The following RETNLB variants were observed in gnomAD, a reference collection of about 807,000 sequenced individuals.
RETNLB encodes the protein resistin-like beta.
In RETNLB, 11 loss-of-function variants were observed where a neutral mutation model predicts 6.8. The ratio of observed to expected loss-of-function variants is 1.62; its 90% CI spans 1.02 to 2.68. RETNLB has a LOEUF of 2.68. RETNLB is among the 30% of genes most tolerant of loss of function. The pLI, the probability that RETNLB is intolerant of heterozygous loss-of-function variation, is 0.00. For missense variants in RETNLB, 146 were observed against 135.7 expected, an observed-to-expected ratio of 1.08 and a Z score of -0.38; for synonymous variants, 57 against 54.2, an observed-to-expected ratio of 1.05 and a Z score of -0.23.
intron 2 of RETNLB, among the ~76,000 whole-genome samples, chr3:108,756,241 A>C (rs188669912): frequency 1.1e-3 from 168 of 152,276 alleles, no homozygotes; most frequent in African/African-American, 3.7e-3. Flanking sequence ...TGTGATCATT[A>C]TGGGACAATG....
chr3:108,756,028 G>A lies in RETNLB; in HGVS notation c.209-123C>T, dbSNP rs1301742395. 3.8e-6 allele frequency: 4 copies of A among 1,051,700 alleles called. No individual in the cohort carries two copies. In the East Asian group the frequency reaches 1.0e-4, roughly 26 times the overall value. The allele number at this position is 1,051,700 out of a possible 1,614,324, so 65.1% of individuals were successfully genotyped here. A position where few individuals can be genotyped will look rare whatever the true frequency, so the allele number is the denominator to read the frequency against. ...AGAGCTAGGTTTCGTGGGGCCTCAAGCTCATTCAATTTTGCGAGCTCATTT... is the reference window on the plus strand; with the variant it reads ...AGAGCTAGGTTTCGTGGGGCCTCAAACTCATTCAATTTTGCGAGCTCATTT... On this transcript the variant is annotated intron_variant, in intron 2 of 2. Transcript: ENST00000295755.
chr3:108,756,333 A>G (rs947053050), intron 2 of RETNLB, among the ~76,000 whole-genome samples, 175 bp downstream of exon 2: 12 of 152,186 alleles, frequency 7.9e-5, no homozygotes, highest in Admixed American at 4.6e-4. Context: ...CCCCAGTAGC[A>G]TCCTTCAGGG....
In RETNLB at chr3:108,757,301, A is replaced by C; in HGVS notation, c.-116T>G. On this transcript the variant is annotated 5_prime_UTR_variant, in exon 1 of 3. Coordinates refer to ENST00000295755, the MANE Select transcript of RETNLB (RefSeq NM_032579.3). ...CAACGTGGTTAGTTTCCAGGGAGTAAAGATGGAAGAACAGCGTCATCAGTA... is the reference window on the plus strand; with the variant it reads ...CAACGTGGTTAGTTTCCAGGGAGTACAGATGGAAGAACAGCGTCATCAGTA... The C allele has an allele frequency of 8.1e-7, 1 of 1,228,242 alleles. No homozygotes were observed. Among genetic ancestry groups the C allele is most frequent in the African/African-American group, 1.5e-5 (1 of 66,696 alleles). 76.1% of individuals were successfully genotyped at this position (1,228,242 alleles called of 1,614,324 possible).
chr3:108,755,677 A>G lies in RETNLB; in HGVS notation c.*101T>C, dbSNP rs9878093. On this transcript the variant is annotated 3_prime_UTR_variant, in exon 3 of 3. Transcript: ENST00000295755. ...TGTCTTTATTACCCAAGAATCAGGA[A>G]TGGAACAAATGAAGTGGGACGTTTG... The G allele has an allele frequency of 4.5e-6, 6 of 1,326,502 alleles. No homozygotes were observed. Among genetic ancestry groups the G allele is most frequent in the Non-Finnish European group, 6.4e-6 (6 of 936,658 alleles). The allele number at this position is 1,326,502 out of a possible 1,614,324, so 82.2% of individuals were successfully genotyped here.
intron 2 of RETNLB, 42 bp from the exon 3 acceptor site, chr3:108,755,947 T>G (rs1437205054): frequency 6.2e-7 from 1 of 1,613,222 alleles, no homozygotes; most frequent in South Asian, 1.1e-5. Context: ...GCTCTTGGAA[T>G]TTAAGAGGAG....
rs1473394791 is a variant in RETNLB at position 108,756,578 on chromosome 3, G to A, written c.138C>T (p.Pro46=). 1 of 1,610,664 alleles carries A rather than the reference G, an allele frequency of 6.2e-7. No homozygotes were observed. The highest frequency in any genetic ancestry group is 1.1e-5 in the South Asian group (1 of 91,004). ...ACGAGAGCTTCTTGCTTATAGGAGA[G>A]GGACTGTACTCTGAGTAGGAAAGAA... is the stretch of plus-strand genomic sequence containing the variant. The part of the protein sequence containing the change: ...KDVLNSLEYS[P]SPISKKLSCA... The change falls in exon 2 of 3, where the codon CCC becomes CCT. Residue 46 remains proline, a synonymous_variant. Transcript: ENST00000295755.
rs1332449810 is a variant in RETNLB at position 108,757,128 on chromosome 3, G to A, written c.58C>T (p.Pro20Ser). The change falls in exon 1 of 3, where the codon CCG becomes TCG. Residue 20 changes from proline to serine, a missense_variant. By Grantham distance (74) the Pro-to-Ser change is moderately conservative. Transcript: ENST00000295755. Reference protein sequence around the residue: ...ILIPLLQLINPGSTQCSLDSV... With the variant: ...ILIPLLQLINSGSTQCSLDSV... ...TCTAAGGAACACTGAGTACTCCCCG[G>A]GTTGATCAGCTGGAGAAGGGGGATT... The A allele has an allele frequency of 1.9e-6, 3 of 1,612,828 alleles. No individual in the cohort carries two copies. In the African/African-American group the frequency reaches 4.0e-5, roughly 22 times the overall value.
intron 2 of RETNLB, 39 bp downstream of exon 2, chr3:108,756,469 G>A (rs1288714840): frequency 4.5e-6 from 6 of 1,321,510 alleles, no homozygotes; most frequent in African/African-American, 1.4e-5. Context: ...GAGGATACAG[G>A]GCATCGTAGT....
In RETNLB at chr3:108,757,175, G is replaced by A. The variant is rs551491488; in HGVS notation, c.11C>T (p.Ser4Phe). Residue 4 changes from serine (S) to phenylalanine (F), a missense_variant, in exon 1 of 3, where the codon TCC becomes TTC. Transcript: ENST00000295755. MGP[S>F]SCLLLILIPL... Reference sequence around the variant, plus strand: ...GATTAGGATGAGAAGGAGGCAAGAGGACGGCCCCATCCTGTACAGAGTCAG... The same window carrying A: ...GATTAGGATGAGAAGGAGGCAAGAGAACGGCCCCATCCTGTACAGAGTCAG... 5.0e-5 allele frequency: 81 copies of A among 1,613,664 alleles called. 1 individual carries two copies. The Middle Eastern group carries it at 6.7e-4, about 13-fold the overall frequency.
chr3:108,757,266 G>A lies in RETNLB; in HGVS notation c.-81C>T. 1 of 1,498,760 alleles carries A rather than the reference G, an allele frequency of 6.7e-7. No homozygotes were observed. Among genetic ancestry groups the A allele is most frequent in the Non-Finnish European group, 9.0e-7 (1 of 1,114,150 alleles). The allele number at this position is 1,498,760 out of a possible 1,614,324, so 92.8% of individuals were successfully genotyped here. On this transcript the variant is annotated 5_prime_UTR_variant, in exon 1 of 3. Coordinates refer to ENST00000295755, the MANE Select transcript of RETNLB (RefSeq NM_032579.3). The stretch of plus-strand genomic sequence containing the variant: ...CTCTGAGCTCCTGGGTGGTGGTGAA[G>A]GAAAGAAGACAACGTGGTTAGTTTC...
rs1457122976 is a variant in RETNLB at position 108,756,570 on chromosome 3, AT to A, written c.145del (p.Ile49Ter). Reference sequence around the variant, plus strand: ...ACTAGCACACGAGAGCTTCTTGCTTATAGGAGAGGGACTGTACTCTGAGTAG... The same window carrying A: ...ACTAGCACACGAGAGCTTCTTGCTTAAGGAGAGGGACTGTACTCTGAGTAG... Reference protein sequence around the residue: ...LNSLEYSPSPISKKLSCASVK... With the variant: ...LNSLEYSPSPXSKKLSCASVK... On this transcript the variant is annotated frameshift_variant, in exon 2 of 3. Coordinates refer to ENST00000295755, the MANE Select transcript of RETNLB (RefSeq NM_032579.3). LOFTEE classifies it high-confidence loss of function. 1.2e-6 allele frequency: 2 copies of A among 1,612,302 alleles called. No individual in the cohort carries two copies. Among genetic ancestry groups the A allele is most frequent in the Non-Finnish European group, 1.7e-6 (2 of 1,178,474 alleles).
upstream of RETNLB, chr3:108,757,410 CAA>C: frequency 2.5e-6 from 1 of 399,852 alleles, no homozygotes; most frequent in Non-Finnish European, 4.5e-6. Flanking sequence ...AGAAGGTCTA[CAA>C]GGACTAGCCA....
At chr3:108,756,319 G>T (rs1291629395) in intron 2 of RETNLB, among the ~76,000 whole-genome samples, 189 bp downstream of exon 2, 1 of 152,146 alleles carries the variant, frequency 6.6e-6, no homozygotes, top group Non-Finnish European at 1.5e-5. Flanking sequence ...AGAAGCCCAA[G>T]ATCCCCCAGT....
chr3:108,756,546 C>A lies in RETNLB; in HGVS notation c.170G>T (p.Ser57Ile). The A allele has an allele frequency of 6.2e-7, 1 of 1,613,738 alleles. No individual in the cohort carries two copies. The highest frequency in any genetic ancestry group is 8.5e-7 in the Non-Finnish European group (1 of 1,179,632). Residue 57 changes from serine (S) to isoleucine (I), a missense_variant, in exon 2 of 3, where the codon AGT becomes ATT. By Grantham distance (142) the Ser-to-Ile change is moderately radical (BLOSUM62 -2). Coordinates refer to ENST00000295755, the MANE Select transcript of RETNLB (RefSeq NM_032579.3). ...SPISKKLSCA[S>I]VKSQGRPSSC... Reference sequence around the variant, plus strand: ...GGACGGTCTGCCTTGGCTTTTGACACTAGCACACGAGAGCTTCTTGCTTAT... The same window carrying A: ...GGACGGTCTGCCTTGGCTTTTGACAATAGCACACGAGAGCTTCTTGCTTAT...
Position 108,757,099 on chromosome 3 carries a change from G to A in RETNLB, c.87C>T (p.Ser29=), listed in dbSNP as rs778198277. 89 of 1,613,734 alleles carry A rather than the reference G, an allele frequency of 5.5e-5. No homozygotes were observed. The highest frequency in any genetic ancestry group is 7.5e-5 in the Non-Finnish European group (89 of 1,179,896). Residue 29 remains serine (S), a synonymous_variant, in exon 1 of 3, where the codon TCC becomes TCT. Transcript: ENST00000295755. The stretch of plus-strand genomic sequence containing the variant: ...CATCCTTGATCTTCTTATCCATAAC[G>A]GAGTCTAAGGAACACTGAGTACTCC... ...NPGSTQCSLD[S]VMDKKIKDVL...
At position 108,757,287 on chromosome 3, in the gene RETNLB, G is replaced by C; in HGVS notation, c.-102C>G. The C allele has an allele frequency of 1.4e-6, 2 of 1,379,686 alleles. No homozygotes were observed. The highest frequency in any genetic ancestry group is 2.0e-6 in the Non-Finnish European group (2 of 1,018,762). 85.5% of individuals were successfully genotyped at this position (1,379,686 alleles called of 1,614,324 possible). A position where few individuals can be genotyped will look rare whatever the true frequency, so the allele number is the denominator to read the frequency against. On this transcript the variant is annotated 5_prime_UTR_variant, in exon 1 of 3. Transcript: ENST00000295755. ...TGAAGGAAAGAAGACAACGTGGTTA[G>C]TTTCCAGGGAGTAAAGATGGAAGAA...
rs1275018055 is a variant in RETNLB at position 108,757,061 on chromosome 3, A to G, written c.125T>C (p.Leu42Pro). The change falls in exon 1 of 3, where the codon CTA (leucine) becomes CCA (proline). Residue 42 changes from leucine (L) to proline (P), a missense_variant and splice_region_variant. Leu to Pro is a moderately conservative substitution (Grantham distance 98, BLOSUM62 -3). Transcript: ENST00000295755. ...DKKIKDVLNS[L>P]EYSPSPISKK... Reference sequence around the variant, plus strand: ...CTTCCCCTACCCCAGTCAGTTACCTAGACTGTTGAGAACATCCTTGATCTT... The same window carrying G: ...CTTCCCCTACCCCAGTCAGTTACCTGGACTGTTGAGAACATCCTTGATCTT... 11 of 1,613,472 alleles carry G rather than the reference A, an allele frequency of 6.8e-6. No homozygotes were observed. Among genetic ancestry groups the G allele is most frequent in the Non-Finnish European group, 9.3e-6 (11 of 1,179,644 alleles).
chr3:108,755,987 C>A, intron 2 of RETNLB, 82 bp from the exon 3 acceptor site: 1 of 1,563,742 alleles, frequency 6.4e-7, no homozygotes, highest in Non-Finnish European at 8.8e-7. Context: ...TCTTTCAACC[C>A]TGTGCAGTCA....
intron 1 of RETNLB, 40 bp from the exon 2 acceptor site, chr3:108,756,628 C>G: frequency 2.9e-6 from 4 of 1,387,640 alleles, no homozygotes; most frequent in Non-Finnish European, 4.1e-6. Flanking sequence ...CATGAGCTAT[C>G]CTCCCCATAA....
Sources: allele counts gnomAD v4.1 joint callset (sites outside exome capture counted in the v4.1 genomes callset), GRCh38; gene constraint gnomAD v4.1.1; transcripts MANE v1.5; gene names NCBI Gene and HGNC (gene_info 2026-07-23, HGNC 2026-07-21).